The following VAT1L variants were observed in gnomAD, a reference collection of about 807,000 sequenced individuals.
The protein encoded by VAT1L is vesicle amine transport 1 like, also known as putative NADPH-dependent quinone oxidoreductase VAT1L.
A neutral mutation model predicts 44.1 loss-of-function variants in VAT1L; 34 were observed. The ratio of observed to expected loss-of-function variants is 0.77; its 90% CI spans 0.59 to 1.03. The LOEUF (loss-of-function observed/expected upper bound fraction) is 1.03, where lower values mean the gene tolerates loss of function less well. Among genes scored for constraint, VAT1L ranks in the 50% least tolerant of loss-of-function variants. The probability of loss-of-function intolerance (pLI) is 0.00; values close to 1 mark genes in which losing one functional copy is unlikely to be tolerated. For synonymous variants in VAT1L, 253 were observed against 202.2 expected (o/e 1.25, Z -2.13); for missense variants, 615 against 538.8 (o/e 1.14, Z -1.40).
At chr16:77,832,677 T>C (rs553396061) in intron 3 of VAT1L, among the ~76,000 whole-genome samples, 2 of 152,362 alleles carry the variant, frequency 1.3e-5, no homozygotes, top group South Asian at 4.1e-4. Flanking sequence ...AACCACTCAA[T>C]GATTAAATTC....
chr16:77,822,801 T>C (rs866434453), intron 2 of VAT1L, among the ~76,000 whole-genome samples: 1 of 152,178 alleles, frequency 6.6e-6, no homozygotes. Context: ...CTTGCTCTTG[T>C]TGCTGTCACG....
intron 7 of VAT1L, among the ~76,000 whole-genome samples, chr16:77,906,415 T>C (rs2017437333): frequency 1.3e-5 from 2 of 152,170 alleles, no homozygotes; most frequent in African/African-American, 2.4e-5. Flanking sequence ...ACTTGCACAA[T>C]AGGACAGTCA....
chr16:77,951,293 C>G (rs2142523880), intron 7 of VAT1L, among the ~76,000 whole-genome samples: 1 of 152,298 alleles, frequency 6.6e-6, no homozygotes, highest in Non-Finnish European at 1.5e-5. Context: ...CGCCTGTAAT[C>G]CCAGCACTTT....
intron 1 of VAT1L, among the ~76,000 whole-genome samples, chr16:77,803,501 G>A (rs2145217743): frequency 7.2e-6 from 1 of 139,792 alleles, no homozygotes; most frequent in Non-Finnish European, 1.5e-5. Context: ...CTCACTGCAA[G>A]CTCCACCTCC....
At chr16:77,971,783 A>C (rs997976998) in intron 7 of VAT1L, 67 bp from the exon 8 acceptor site, 28 of 1,530,784 alleles carry the variant, frequency 1.8e-5, no homozygotes, top group East Asian at 1.6e-4. Flanking sequence ...TGAGTTCTCC[A>C]GGCCCCCTTT....
chr16:77,955,544 A>G (rs1001034603), intron 7 of VAT1L, among the ~76,000 whole-genome samples: 3 of 152,156 alleles, frequency 2.0e-5, no homozygotes, highest in African/African-American at 7.2e-5. Flanking sequence ...GGCCAATGTG[A>G]TGAAGCCCTG....
chr16:77,800,291 C>T (rs1193118617), intron 1 of VAT1L: 2 of 152,110 alleles, frequency 1.3e-5, no homozygotes, highest in Admixed American at 6.5e-5. Flanking sequence ...CATCGAGTGC[C>T]GCAGACCAAA....
rs148328698 is a variant in VAT1L at position 77,976,180 on chromosome 16, G to A, written c.1162-1417G>A. On this transcript the variant is annotated intron_variant, in intron 8 of 8. Transcript: ENST00000302536. Reference sequence around the variant, plus strand: ...AACTGCAGAGACATGGTCCTCTCCCGTGGTGTCTACCGTTTGGCAGGGGCA... The same window carrying A: ...AACTGCAGAGACATGGTCCTCTCCCATGGTGTCTACCGTTTGGCAGGGGCA... Among the ~76,000 whole-genome samples, 1,145 of 152,296 alleles carry A rather than the reference G, an allele frequency of 7.5e-3. 10 individuals are homozygous for A. Among genetic ancestry groups the A allele is most frequent in the Non-Finnish European group, 9.1e-3 (622 of 68,036 alleles).
At chr16:77,976,631 A>G (rs1047319436) in intron 8 of VAT1L, among the ~76,000 whole-genome samples, 2 of 152,186 alleles carry the variant, frequency 1.3e-5, no homozygotes, top group Non-Finnish European at 2.9e-5. Flanking sequence ...CAGATCATGT[A>G]GGGGATGTTA....
In VAT1L at chr16:77,825,365, C is replaced by G; in HGVS notation, c.483C>G (p.Phe161Leu). ...TGAGCTTCTCCGAGGCTGCTGCATTCCCCATGAACTTCGTCACAGCCTATG... is the reference window on the plus strand; with the variant it reads ...TGAGCTTCTCCGAGGCTGCTGCATTGCCCATGAACTTCGTCACAGCCTATG... ...DDMSFSEAAA[F>L]PMNFVTAYVM... The change falls in exon 3 of 9, where the codon TTC (phenylalanine) becomes TTG (leucine). Residue 161 changes from phenylalanine (F) to leucine (L), a missense_variant. Coordinates refer to ENST00000302536, the MANE Select transcript of VAT1L (RefSeq NM_020927.3). The G allele has an allele frequency of 1.2e-6, 2 of 1,614,160 alleles. No homozygotes were observed. The highest frequency in any genetic ancestry group is 2.2e-5 in the East Asian group (1 of 44,864).
Position 77,833,128 on chromosome 16 carries a change from T to G in VAT1L, c.579+7667T>G, listed in dbSNP as rs7204893. ...TTCATTCATTTACTTATTCACTCAT[T>G]CAGCACATATGCAGTGAGGGCCTAC... On this transcript the variant is annotated intron_variant, in intron 3 of 8. Coordinates refer to ENST00000302536, the MANE Select transcript of VAT1L (RefSeq NM_020927.3). Among the ~76,000 whole-genome samples, 1,266 of 152,328 alleles carry G rather than the reference T, an allele frequency of 8.3e-3. 12 individuals are homozygous for G. Among genetic ancestry groups the G allele is most frequent in the Middle Eastern group, 0.031 (9 of 294 alleles).
At chr16:77,814,698 G>C (rs2016322279) in intron 1 of VAT1L, among the ~76,000 whole-genome samples, 1 of 152,232 alleles carries the variant, frequency 6.6e-6, no homozygotes, top group Admixed American at 6.5e-5. Context: ...TGGAGTGCTT[G>C]ATTCAGGTTG....
intron 7 of VAT1L, 48 bp from the exon 8 acceptor site, chr16:77,971,802 G>A (rs2142545002): frequency 6.3e-7 from 1 of 1,577,594 alleles, no homozygotes; most frequent in African/African-American, 1.4e-5. Context: ...TTTTAACTGG[G>A]GAACATCTCG....
intron 7 of VAT1L, among the ~76,000 whole-genome samples, chr16:77,940,129 G>C (rs1471299830): frequency 6.6e-6 from 1 of 152,098 alleles, no homozygotes; most frequent in Admixed American, 6.6e-5. Flanking sequence ...AGAAAGCTTT[G>C]GCCAGTGATA....
At chr16:77,876,269 C>T (rs915917476) in intron 4 of VAT1L, 101 bp from the exon 5 acceptor site, 7 of 1,061,886 alleles carry the variant, frequency 6.6e-6, no homozygotes, top group South Asian at 1.3e-5. Context: ...TTCAGGGTTC[C>T]TAATTCTGAG....
At chr16:77,878,716 T>C (rs1375979570) in intron 5 of VAT1L, among the ~76,000 whole-genome samples, 1 of 152,118 alleles carries the variant, frequency 6.6e-6, no homozygotes, top group Non-Finnish European at 1.5e-5. Context: ...ATCTATATTT[T>C]AACTCTGCTC....
At chr16:77,921,929 A>G (rs974535758) in intron 7 of VAT1L, among the ~76,000 whole-genome samples, 3 of 151,682 alleles carry the variant, frequency 2.0e-5, no homozygotes, top group Non-Finnish European at 4.4e-5. Context: ...ATTTTTTTTT[A>G]TGGTGACAGG....
intron 8 of VAT1L, 130 bp downstream of exon 8, chr16:77,972,063 T>A (rs2018284685): frequency 2.7e-6 from 2 of 744,092 alleles, no homozygotes; most frequent in Admixed American, 5.4e-5. Flanking sequence ...CCAGGGGTAA[T>A]CAAATGATGT....
intron 7 of VAT1L, among the ~76,000 whole-genome samples, chr16:77,905,213 G>A (rs1430605272): frequency 1.3e-5 from 2 of 152,154 alleles, no homozygotes; most frequent in Non-Finnish European, 2.9e-5. Flanking sequence ...ACCAAATCTT[G>A]CAATAATTTT....
Sources: gnomAD v4.1 joint callset for allele counts (sites outside exome capture counted in the v4.1 genomes callset) on GRCh38, gnomAD v4.1.1 for gene constraint, MANE v1.5 for transcripts, NCBI Gene and HGNC (gene_info 2026-07-23, HGNC 2026-07-21) for gene names.